Variants in SHANK2 observed in about 807,000 individuals in gnomAD.
SHANK2 encodes SH3 and multiple ankyrin repeat domains protein 2.
A neutral mutation model predicts 133.7 loss-of-function variants in SHANK2; 43 were observed. The observed-to-expected ratio is 0.32, with a 90% CI of 0.25 to 0.41. SHANK2 has a LOEUF of 0.41. Among genes scored for constraint, SHANK2 ranks in the 10% least tolerant of loss-of-function variants. The pLI is 1.00. For synonymous variants in SHANK2, 1,017 were observed against 952.8 expected (o/e 1.07, Z -1.24); for missense variants, 1,994 against 2,235.8 (o/e 0.89, Z 2.18).
intron 3 of SHANK2, among the ~76,000 whole-genome samples, chr11:71,124,211 G>A (rs1555102167): frequency 1.4e-5 from 1 of 73,456 alleles, no homozygotes; most frequent in Non-Finnish European, 2.5e-5. Context: ...TGGTGGTGAT[G>A]ATGATGGTGA....
intron 2 of SHANK2, among the ~76,000 whole-genome samples, chr11:71,186,326 C>T (rs558847023): frequency 2.4e-4 from 36 of 152,332 alleles, no homozygotes; most frequent in Middle Eastern, 3.4e-3. Flanking sequence ...GGACAAATGC[C>T]GTCTGGCATG....
intron 17 of SHANK2, among the ~76,000 whole-genome samples, chr11:70,637,989 T>C (rs1447564947): frequency 2.0e-5 from 3 of 152,264 alleles, no homozygotes; most frequent in Middle Eastern, 3.4e-3. Context: ...AAGAGCCCCA[T>C]GCCAGGTGGG....
At chr11:70,599,246 A>G (rs1167235069) in intron 17 of SHANK2, among the ~76,000 whole-genome samples, 1 of 152,204 alleles carries the variant, frequency 6.6e-6, no homozygotes, top group Non-Finnish European at 1.5e-5. Context: ...CAGTGAAACT[A>G]CCTAGGAATA....
chr11:71,095,491 C>T (rs1951593958), intron 6 of SHANK2, among the ~76,000 whole-genome samples: 1 of 152,184 alleles, frequency 6.6e-6, no homozygotes, highest in Non-Finnish European at 1.5e-5. Flanking sequence ...CTTAACGTTC[C>T]AGAAAAGTGC....
chr11:70,614,985 G>T (rs1050702352), intron 17 of SHANK2, among the ~76,000 whole-genome samples: 9 of 152,248 alleles, frequency 5.9e-5, no homozygotes, highest in Non-Finnish European at 8.8e-5. Context: ...GGGTTAACTG[G>T]AAAGGCAAAA....
intron 3 of SHANK2, among the ~76,000 whole-genome samples, chr11:71,144,662 GA>G (rs763729677): frequency 6.6e-6 from 1 of 151,560 alleles, no homozygotes; most frequent in Non-Finnish European, 1.5e-5. Context: ...AGTGAAAAGG[GA>G]AAAAAAACTG....
intron 12 of SHANK2, 87 bp downstream of exon 12, chr11:70,820,277 C>T: frequency 3.4e-6 from 2 of 582,638 alleles, no homozygotes; most frequent in Non-Finnish European, 3.1e-6. Context: ...GGGCTTCCTG[C>T]TCAACTTCTG....
At chr11:70,583,160 G>A (rs1208819122) in intron 17 of SHANK2, among the ~76,000 whole-genome samples, 1 of 152,172 alleles carries the variant, frequency 6.6e-6, no homozygotes, top group African/African-American at 2.4e-5. Flanking sequence ...AGGCCAGAGC[G>A]GGGATGCCTT....
intron 10 of SHANK2, among the ~76,000 whole-genome samples, chr11:70,917,007 T>G (rs1950280486): frequency 6.6e-6 from 1 of 151,864 alleles, no homozygotes; most frequent in South Asian, 2.1e-4. Context: ...ACACAGAAAA[T>G]GAAAAGTCAG....
chr11:70,499,005 G>C (rs1194775154), intron 21 of SHANK2, among the ~76,000 whole-genome samples: 1 of 152,216 alleles, frequency 6.6e-6, no homozygotes, highest in Non-Finnish European at 1.5e-5. Flanking sequence ...CAACTGTAAA[G>C]GCCTGACTTT....
intron 13 of SHANK2, among the ~76,000 whole-genome samples, chr11:70,805,602 G>A (rs1000354311): frequency 1.3e-5 from 2 of 152,194 alleles, no homozygotes; most frequent in Admixed American, 1.3e-4. Context: ...CCAAGTTGAT[G>A]GGGTAAGTGT....
At chr11:70,522,733 C>G (rs1272204146) in intron 17 of SHANK2, among the ~76,000 whole-genome samples, 8 of 152,170 alleles carry the variant, frequency 5.3e-5, no homozygotes, top group Non-Finnish European at 5.9e-5. Flanking sequence ...GTGTCCCAGT[C>G]CCTCAGTTAT....
intron 14 of SHANK2, among the ~76,000 whole-genome samples, chr11:70,780,941 C>T (rs552913554): frequency 6.6e-6 from 1 of 152,004 alleles, no homozygotes; most frequent in East Asian, 1.9e-4. Context: ...TGTTTTAACG[C>T]AGGAGATTTC....
intron 17 of SHANK2, among the ~76,000 whole-genome samples, chr11:70,561,212 G>T (rs887114224): frequency 6.6e-6 from 1 of 152,058 alleles, no homozygotes; most frequent in Non-Finnish European, 1.5e-5. Context: ...GGAGTGCACT[G>T]GTGTGATCAT....
intron 11 of SHANK2, among the ~76,000 whole-genome samples, chr11:70,873,741 ATTT>A (rs34001080): frequency 2.9e-5 from 4 of 139,980 alleles, no homozygotes; most frequent in African/African-American, 1.0e-4. Context: ...TCCATTTACC[ATTT>A]TTTTTTTTTT....
At chr11:70,586,719 C>G (rs1009522627) in intron 17 of SHANK2, among the ~76,000 whole-genome samples, 4 of 152,178 alleles carry the variant, frequency 2.6e-5, no homozygotes, top group African/African-American at 9.7e-5. Context: ...TGACCCTTAT[C>G]CTAGGGGAAT....
At chr11:70,883,792 G>A (rs536050193) in intron 11 of SHANK2, among the ~76,000 whole-genome samples, 63 of 152,330 alleles carry the variant, frequency 4.1e-4, no homozygotes, top group African/African-American at 1.4e-3. Context: ...TGCCCTGAAA[G>A]CCAGGCAGGG....
intron 10 of SHANK2, among the ~76,000 whole-genome samples, chr11:70,897,941 T>TACACACAC (rs142602596): frequency 1.3e-5 from 2 of 149,188 alleles, no homozygotes; most frequent in African/African-American, 5.0e-5. Flanking sequence ...AATATACATA[T>TACACACAC]ACACACACAC....
In SHANK2 at chr11:70,830,591, C is replaced by T. The variant is rs1342238089; in HGVS notation, c.1175-9909G>A. Reference sequence around the variant, plus strand: ...GAATTCGCTAGCGCCCTTCCCATCTCTAAAACAAGTATTCCGAGGATGACC... The same window carrying T: ...GAATTCGCTAGCGCCCTTCCCATCTTTAAAACAAGTATTCCGAGGATGACC... On this transcript the variant is annotated intron_variant, in intron 11 of 25. Coordinates refer to ENST00000601538, the MANE Select transcript of SHANK2 (RefSeq NM_012309.5). The surrounding 1 kb of genome is among the most constrained non-coding windows in gnomAD (Gnocchi z 4.4). Among the ~76,000 whole-genome samples, 1 of 152,228 alleles carries T rather than the reference C, an allele frequency of 6.6e-6. No individual in the cohort carries two copies. The highest frequency in any genetic ancestry group is 1.5e-5 in the Non-Finnish European group (1 of 68,044).
Sources: gnomAD v4.1 joint callset for allele counts (sites outside exome capture counted in the v4.1 genomes callset) on GRCh38, gnomAD v4.1.1 for gene constraint, Gnocchi (gnomAD v3.1) non-coding constraint, MANE v1.5 for transcripts, NCBI Gene and HGNC (gene_info 2026-07-23, HGNC 2026-07-21) for gene names.